NRXN3: variants seen among roughly 807,000 people sequenced by gnomAD.
The protein encoded by NRXN3 is neurexin III.
NRXN3 carries 32 observed loss-of-function variants against 137.6 expected under a neutral mutation model. The ratio of observed to expected loss-of-function variants is 0.23; its 90% CI spans 0.18 to 0.31. The LOEUF (loss-of-function observed/expected upper bound fraction) is 0.31, where lower values mean the gene tolerates loss of function less well. Among genes scored for constraint, NRXN3 ranks in the 10% least tolerant of loss-of-function variants. NRXN3 has a pLI of 1.00. For missense variants in NRXN3, 1,574 were observed against 2,062.5 expected, an observed-to-expected ratio of 0.76 and a Z score of 4.59; for synonymous variants, 798 against 784.5, an observed-to-expected ratio of 1.02 and a Z score of -0.29.
intron 16 of NRXN3, among the ~76,000 whole-genome samples, chr14:79,589,372 G>A (rs1162912872): frequency 6.6e-6 from 1 of 151,670 alleles, no homozygotes; most frequent in Non-Finnish European, 1.5e-5. Context: ...TTTAATTTCT[G>A]TACTTAGTAA....
At chr14:79,724,314 C>T (rs1216805657) in intron 19 of NRXN3, among the ~76,000 whole-genome samples, 1 of 152,132 alleles carries the variant, frequency 6.6e-6, no homozygotes, top group Admixed American at 6.6e-5. Context: ...GGTATCCTAA[C>T]TCTCTATTCC....
intron 20 of NRXN3, among the ~76,000 whole-genome samples, chr14:79,813,231 ATTTC>A (rs1361138795): frequency 6.6e-6 from 1 of 152,122 alleles, no homozygotes; most frequent in Admixed American, 6.6e-5. Flanking sequence ...TTTCTTTAAG[ATTTC>A]TTTATCATAA....
At chr14:78,659,312 C>T (rs573199764) in intron 6 of NRXN3, among the ~76,000 whole-genome samples, 22 of 151,984 alleles carry the variant, frequency 1.4e-4, no homozygotes, top group Non-Finnish European at 1.2e-4. Context: ...TAAAGTCAAC[C>T]AGTCTGTGGT....
chr14:79,326,967 A>G (rs889095536), intron 15 of NRXN3, among the ~76,000 whole-genome samples: 4 of 151,866 alleles, frequency 2.6e-5, no homozygotes, highest in Non-Finnish European at 5.9e-5. Context: ...CTCTTTTTCA[A>G]AAACAAATTT....
In NRXN3 at chr14:79,174,501, TTA is replaced by T. The variant is rs68143466; in HGVS notation, c.3262+186377_3262+186378del. 3.4e-3 allele frequency among the ~76,000 whole-genome samples: 483 copies of T among 143,528 alleles called. 3 individuals are homozygous for T. The highest frequency in any genetic ancestry group is 0.011 in the African/African-American group (443 of 39,962). The allele number at this position is 143,528 out of a possible 152,430, so 94.2% of individuals were successfully genotyped here. A position where few individuals can be genotyped will look rare whatever the true frequency, so the allele number is the denominator to read the frequency against. On this transcript the variant is annotated intron_variant, in intron 15 of 20. Transcript: ENST00000335750. The stretch of plus-strand genomic sequence containing the variant: ...TGAATGGCAGTTTCTATTGAAAGTT[TTA>T]TATATATATATATATACACACACAT...
intron 16 of NRXN3, among the ~76,000 whole-genome samples, chr14:79,596,055 T>A (rs1161258713): frequency 6.6e-6 from 1 of 152,032 alleles, no homozygotes; most frequent in Non-Finnish European, 1.5e-5. Flanking sequence ...GGGTTTTTTT[T>A]TTTTTTGGTC....
At chr14:79,238,067 TA>T (rs772232453) in intron 15 of NRXN3, among the ~76,000 whole-genome samples, 25 of 152,094 alleles carry the variant, frequency 1.6e-4, no homozygotes, top group Non-Finnish European at 3.7e-4. Flanking sequence ...AATAGATAAG[TA>T]TGGGAGGAAT....
chr14:79,375,238 T>TG lies in NRXN3; in HGVS notation c.3263-91983_3263-91982insG, dbSNP rs1644970599. Among the ~76,000 whole-genome samples, 7 of 150,540 alleles carry TG rather than the reference T, an allele frequency of 4.6e-5. No individual in the cohort carries two copies. The South Asian group carries it at 1.5e-3, about 32-fold the overall frequency. ...ACCAGTACTTTTGAGTTTTTGTGTT[T>TG]TTTTTTTTTTTTTCCTTAAACACAA... On this transcript the variant is annotated intron_variant, in intron 15 of 20. Coordinates refer to ENST00000335750, the MANE Select transcript of NRXN3 (RefSeq NM_001330195.2).
intron 5 of NRXN3, among the ~76,000 whole-genome samples, chr14:78,650,045 C>T (rs1241424583): frequency 1.3e-5 from 2 of 151,364 alleles, no homozygotes; most frequent in African/African-American, 4.9e-5. Context: ...CTTCATTCTC[C>T]TTTCATCTTT....
chr14:79,105,395 A>G (rs1004169920), intron 15 of NRXN3, among the ~76,000 whole-genome samples: 12 of 152,174 alleles, frequency 7.9e-5, no homozygotes, highest in Admixed American at 7.9e-4. Context: ...ATTTTCAAAT[A>G]ACTTGTAATT....
chr14:78,627,182 T>G (rs1254452211), intron 4 of NRXN3, among the ~76,000 whole-genome samples: 8 of 150,930 alleles, frequency 5.3e-5, no homozygotes, highest in Admixed American at 5.3e-4. Flanking sequence ...CTAGAGTTTC[T>G]TTTTCAATTT....
chr14:79,275,129 G>A (rs773631620), intron 15 of NRXN3, among the ~76,000 whole-genome samples: 4 of 152,056 alleles, frequency 2.6e-5, no homozygotes, highest in Non-Finnish European at 4.4e-5. Context: ...AAGCAAAGTC[G>A]AACTGTTTTA....
At chr14:79,230,041 A>G (rs2071857368) in intron 15 of NRXN3, among the ~76,000 whole-genome samples, 1 of 152,170 alleles carries the variant, frequency 6.6e-6, no homozygotes, top group South Asian at 2.1e-4. Context: ...GAGGTGAGCC[A>G]TAATGAGGCT....
chr14:78,978,908 G>C (rs1274886846), intron 14 of NRXN3, among the ~76,000 whole-genome samples: 1 of 151,854 alleles, frequency 6.6e-6, no homozygotes, highest in Non-Finnish European at 1.5e-5. Flanking sequence ...CTGGGAATGG[G>C]GGTGGCAGGG....
intron 8 of NRXN3, among the ~76,000 whole-genome samples, chr14:78,741,422 G>A (rs1465088014): frequency 6.6e-6 from 1 of 152,198 alleles, no homozygotes; most frequent in Admixed American, 6.5e-5. Flanking sequence ...TTGCAAGGGA[G>A]TGATAGAAAT....
At chr14:78,872,454 CT>C (rs1384055661) in intron 10 of NRXN3, among the ~76,000 whole-genome samples, 1 of 151,380 alleles carries the variant, frequency 6.6e-6, no homozygotes, top group Non-Finnish European at 1.5e-5. Flanking sequence ...CATTGTATCT[CT>C]TTTTTATTCC....
At chr14:79,127,579 G>C (rs1190440263) in intron 15 of NRXN3, among the ~76,000 whole-genome samples, 7 of 152,078 alleles carry the variant, frequency 4.6e-5, no homozygotes, top group Non-Finnish European at 1.0e-4. Context: ...GTTACCTTAG[G>C]CTTGTAGTAT....
chr14:78,316,805 G>C (rs2078758195), intron 4 of NRXN3, among the ~76,000 whole-genome samples: 1 of 151,984 alleles, frequency 6.6e-6, no homozygotes, highest in South Asian at 2.1e-4. Flanking sequence ...CCATTTTTTG[G>C]CTTGACTTTC....
intron 15 of NRXN3, among the ~76,000 whole-genome samples, chr14:79,206,198 A>G (rs1161133208): frequency 6.6e-6 from 1 of 152,234 alleles, no homozygotes; most frequent in Non-Finnish European, 1.5e-5. Flanking sequence ...GTAATTAATA[A>G]TGATGATGAA....
Sources: gnomAD v4.1 joint callset for allele counts (sites outside exome capture counted in the v4.1 genomes callset) on GRCh38, gnomAD v4.1.1 for gene constraint, MANE v1.5 for transcripts, NCBI Gene and HGNC (gene_info 2026-07-23, HGNC 2026-07-21) for gene names.